Variants in SCN11A observed in about 807,000 individuals in gnomAD.
SCN11A encodes sodium channel protein type 11 subunit alpha.
Under a neutral mutation model 162.2 loss-of-function variants are expected in SCN11A, and 122 were observed. The ratio of observed to expected loss-of-function variants is 0.75; its 90% CI spans 0.65 to 0.87. The LOEUF is 0.87. Ranked by LOEUF, SCN11A falls within the 40% of genes least tolerant of loss-of-function variation. The probability of loss-of-function intolerance (pLI) is 0.00; values close to 1 mark genes in which losing one functional copy is unlikely to be tolerated. For synonymous variants in SCN11A, 758 were observed against 751.5 expected (o/e 1.01, Z -0.14); for missense variants, 2,015 against 2,181.6 (o/e 0.92, Z 1.52).
intron 2 of SCN11A, among the ~76,000 whole-genome samples, chr3:38,981,535 G>GTT (rs766445410): frequency 1.6e-5 from 2 of 125,814 alleles, no homozygotes; most frequent in Non-Finnish European, 3.2e-5. Context: ...GTGTGTGTGT[G>GTT]TTTGTGTGTG....
intron 1 of SCN11A, among the ~76,000 whole-genome samples, chr3:39,042,895 C>T (rs2032083119): frequency 7.2e-6 from 1 of 138,332 alleles, no homozygotes; most frequent in African/African-American, 2.8e-5. Flanking sequence ...AGGCAGAGTT[C>T]GCAGTGAGCC....
chr3:38,871,801 G>A lies in SCN11A; in HGVS notation c.3496-93C>T, dbSNP rs1183058519. On this transcript the variant is annotated intron_variant, in intron 24 of 29. Coordinates refer to ENST00000302328, the MANE Select transcript of SCN11A (RefSeq NM_001349253.2). ...AGCATGGGCCTGATGTGCAGGGCTT[G>A]ATCTCTTGGAGCTCTGTCCTTAATC... 4 of 1,037,018 alleles carry A rather than the reference G, an allele frequency of 3.9e-6. No homozygotes were observed. In the African/African-American group the frequency reaches 6.5e-5, roughly 17 times the overall value. The allele number at this position is 1,037,018 out of a possible 1,614,324, so 64.2% of individuals were successfully genotyped here.
At position 38,877,064 on chromosome 3, in the gene SCN11A, T is replaced by C. The variant is rs978256314; in HGVS notation, c.3393+2886A>G. Reference sequence around the variant, plus strand: ...TATGGTGTATATACTATATATATGGTATATATATGGTGTATATACTATATA... The same window carrying C: ...TATGGTGTATATACTATATATATGGCATATATATGGTGTATATACTATATA... On this transcript the variant is annotated intron_variant, in intron 23 of 29. Transcript: ENST00000302328. Among the ~76,000 whole-genome samples the C allele has an allele frequency of 5.1e-4, 67 of 132,392 alleles. 2 individuals carry two copies. The highest frequency in any genetic ancestry group is 4.1e-3 in the Middle Eastern group (1 of 242). 86.9% of individuals were successfully genotyped at this position (132,392 alleles called of 152,430 possible).
intron 1 of SCN11A, among the ~76,000 whole-genome samples, chr3:39,051,315 C>T (rs2032367058): frequency 6.6e-6 from 1 of 151,988 alleles, no homozygotes; most frequent in Admixed American, 6.6e-5. Flanking sequence ...TGTGTTGTCC[C>T]CCTCTTTTGT....
intron 1 of SCN11A, among the ~76,000 whole-genome samples, chr3:39,037,907 GCTT>G (rs1157529372): frequency 6.6e-6 from 1 of 152,166 alleles, no homozygotes; most frequent in Non-Finnish European, 1.5e-5. Context: ...AGGTGTCAAG[GCTT>G]CTTACATTTT....
chr3:38,982,460 C>T (rs1435342846), intron 2 of SCN11A, among the ~76,000 whole-genome samples: 1 of 152,084 alleles, frequency 6.6e-6, no homozygotes, highest in African/African-American at 2.4e-5. Context: ...TGGGTGAGCC[C>T]CTGACTTAAA....
chr3:38,947,681 C>T (rs1211712667), intron 5 of SCN11A, among the ~76,000 whole-genome samples: 2 of 152,200 alleles, frequency 1.3e-5, no homozygotes, highest in East Asian at 3.8e-4. Flanking sequence ...CCCATTTTCT[C>T]CTAGCATGAC....
chr3:39,008,101 A>G (rs1428419875), intron 2 of SCN11A, among the ~76,000 whole-genome samples: 3 of 152,208 alleles, frequency 2.0e-5, no homozygotes, highest in African/African-American at 4.8e-5. Context: ...GAATAGAGGC[A>G]AAAAGTTTTT....
chr3:38,972,652 ACT>A (rs1483671928), intron 2 of SCN11A, among the ~76,000 whole-genome samples: 3 of 152,146 alleles, frequency 2.0e-5, no homozygotes, highest in African/African-American at 7.2e-5. Flanking sequence ...ACTGAGGTAC[ACT>A]GAGTTTTTAC....
intron 2 of SCN11A, among the ~76,000 whole-genome samples, chr3:38,980,041 C>T (rs913537061): frequency 2.0e-5 from 3 of 152,162 alleles, no homozygotes; most frequent in East Asian, 1.9e-4. Context: ...ATCACACCCA[C>T]ACCAGCACCA....
At chr3:38,946,378 A>C (rs2125573677) in intron 6 of SCN11A, among the ~76,000 whole-genome samples, 1 of 152,332 alleles carries the variant, frequency 6.6e-6, no homozygotes, top group East Asian at 1.9e-4. Flanking sequence ...TGTTTTTCAA[A>C]GTTTTAAATA....
intron 29 of SCN11A, among the ~76,000 whole-genome samples, chr3:38,848,820 A>G (rs1031129174): frequency 6.6e-6 from 1 of 152,148 alleles, no homozygotes; most frequent in African/African-American, 2.4e-5. Context: ...TAATACCTCA[A>G]CTAGATTGTT....
Position 38,920,991 on chromosome 3 carries a change from G to A in SCN11A, c.892+85C>T, listed in dbSNP as rs2066040725. ...CCCTTGCTGCTAAGAGACTCTGTAA[G>A]GGAAGTGTGAAGGCAGGACAAGTGA... is the stretch of plus-strand genomic sequence containing the variant. On this transcript the variant is annotated intron_variant, in intron 10 of 29. Coordinates refer to ENST00000302328, the MANE Select transcript of SCN11A (RefSeq NM_001349253.2). 4.0e-6 allele frequency: 5 copies of A among 1,255,020 alleles called. No individual in the cohort carries two copies. The Admixed American group carries it at 7.0e-5, about 18-fold the overall frequency. The allele number at this position is 1,255,020 out of a possible 1,614,324, so 77.7% of individuals were successfully genotyped here.
At chr3:38,948,076 T>C (rs1038798812) in intron 5 of SCN11A, among the ~76,000 whole-genome samples, 5 of 152,238 alleles carry the variant, frequency 3.3e-5, no homozygotes, top group African/African-American at 1.2e-4. Context: ...GATGGTTATC[T>C]GGCTGCAGGG....
chr3:39,020,032 C>T (rs1348667742), intron 2 of SCN11A, among the ~76,000 whole-genome samples: 1 of 152,212 alleles, frequency 6.6e-6, no homozygotes, highest in East Asian at 1.9e-4. Context: ...GGTTTACATC[C>T]CTGCTCTGTC....
chr3:38,923,495 C>T (rs2066087014), intron 9 of SCN11A, among the ~76,000 whole-genome samples: 1 of 152,172 alleles, frequency 6.6e-6, no homozygotes, highest in Admixed American at 6.5e-5. Flanking sequence ...GCCTGCTCCT[C>T]TCACAGCCTT....
At chr3:38,879,807 A>C in intron 23 of SCN11A, 143 bp downstream of exon 23, 1 of 638,592 alleles carries the variant, frequency 1.6e-6, no homozygotes, top group Non-Finnish European at 2.7e-6. Flanking sequence ...AACTACTTAC[A>C]AGTACTGTGA....
At chr3:38,973,936 A>T (rs1483642256) in intron 2 of SCN11A, among the ~76,000 whole-genome samples, 1 of 152,252 alleles carries the variant, frequency 6.6e-6, no homozygotes, top group African/African-American at 2.4e-5. Flanking sequence ...GCCAACAGGA[A>T]TTCTTTCTGA....
chr3:38,973,646 T>C (rs529065014), intron 2 of SCN11A, among the ~76,000 whole-genome samples: 2 of 152,178 alleles, frequency 1.3e-5, no homozygotes, highest in Admixed American at 1.3e-4. Context: ...AAAGCTCTGA[T>C]GATTTAAGCA....
Sources: allele counts gnomAD v4.1 joint callset (sites outside exome capture counted in the v4.1 genomes callset), GRCh38; gene constraint gnomAD v4.1.1; transcripts MANE v1.5; gene names NCBI Gene and HGNC (gene_info 2026-07-23, HGNC 2026-07-21).